The following GUCY1A2 variants were observed in gnomAD, a reference collection of about 807,000 sequenced individuals.
GUCY1A2 encodes guanylate cyclase soluble subunit alpha-2.
A neutral mutation model predicts 63.5 loss-of-function variants in GUCY1A2; 27 were observed. The ratio of observed to expected loss-of-function variants is 0.43; its 90% CI spans 0.31 to 0.59. GUCY1A2 has a LOEUF of 0.59. Among genes scored for constraint, GUCY1A2 ranks in the 20% least tolerant of loss-of-function variants. The probability of loss-of-function intolerance (pLI) is 0.11; values close to 1 mark genes in which losing one functional copy is unlikely to be tolerated. For synonymous variants in GUCY1A2, 364 were observed against 343.5 expected, an observed-to-expected ratio of 1.06 and a Z score of -0.66; for missense variants, 768 against 913.3, an observed-to-expected ratio of 0.84 and a Z score of 2.05.
In GUCY1A2 at chr11:106,913,128, T is replaced by G. The variant is rs775659478; in HGVS notation, c.1206+26332A>C. On this transcript the variant is annotated intron_variant, in intron 4 of 7. Coordinates refer to ENST00000526355, the MANE Select transcript of GUCY1A2 (RefSeq NM_000855.3). Reference sequence around the variant, plus strand: ...GTTGTGGAATTTTTTTCAAAAGATATATATATATATATATAAAAGCAATCA... The same window carrying G: ...GTTGTGGAATTTTTTTCAAAAGATAGATATATATATATATAAAAGCAATCA... 4.4e-5 allele frequency among the ~76,000 whole-genome samples: 5 copies of G among 114,038 alleles called. No individual in the cohort carries two copies. The East Asian group carries it at 1.7e-3, about 38-fold the overall frequency. 74.8% of individuals were successfully genotyped at this position (114,038 alleles called of 152,430 possible).
At chr11:106,762,504 C>T (rs867099962) in intron 6 of GUCY1A2, among the ~76,000 whole-genome samples, 15 of 151,994 alleles carry the variant, frequency 9.9e-5, no homozygotes, top group African/African-American at 3.4e-4. Flanking sequence ...TAGTTCAAGA[C>T]ATTTGCACCC....
At chr11:106,818,550 C>T (rs966839858) in intron 4 of GUCY1A2, among the ~76,000 whole-genome samples, 1 of 152,094 alleles carries the variant, frequency 6.6e-6, no homozygotes, top group Non-Finnish European at 1.5e-5. Context: ...CAATGAATAA[C>T]ACTACAATGA....
intron 6 of GUCY1A2, among the ~76,000 whole-genome samples, chr11:106,757,265 C>T (rs910755412): frequency 3.9e-5 from 6 of 152,052 alleles, no homozygotes; most frequent in Admixed American, 1.3e-4. Context: ...TTTTCCAAGG[C>T]TTTTTAGCTT....
chr11:106,843,654 T>C (rs1321778805), intron 4 of GUCY1A2, among the ~76,000 whole-genome samples: 1 of 151,912 alleles, frequency 6.6e-6, no homozygotes, highest in Non-Finnish European at 1.5e-5. Context: ...CACTTGGAAA[T>C]TATTGAAATA....
At chr11:106,912,981 A>G (rs1860316049) in intron 4 of GUCY1A2, among the ~76,000 whole-genome samples, 1 of 152,138 alleles carries the variant, frequency 6.6e-6, no homozygotes, top group Non-Finnish European at 1.5e-5. Flanking sequence ...ACAAACACAA[A>G]CTATTTGCCT....
intron 4 of GUCY1A2, among the ~76,000 whole-genome samples, chr11:106,883,191 C>T (rs1859850207): frequency 6.6e-6 from 1 of 152,058 alleles, no homozygotes; most frequent in South Asian, 2.1e-4. Flanking sequence ...TTAAGTCCCA[C>T]AACACTAAGA....
At chr11:106,695,831 A>G (rs1166781017) in intron 7 of GUCY1A2, among the ~76,000 whole-genome samples, 2 of 152,308 alleles carry the variant, frequency 1.3e-5, no homozygotes, top group Middle Eastern at 3.4e-3. Flanking sequence ...TAAGGTTGCA[A>G]ATATTTTTAC....
intron 4 of GUCY1A2, among the ~76,000 whole-genome samples, chr11:106,918,081 C>T (rs2060713144): frequency 6.9e-6 from 1 of 144,262 alleles, no homozygotes; most frequent in Admixed American, 6.9e-5. Flanking sequence ...AACTACTGCT[C>T]TGGGTAGAAC....
intron 5 of GUCY1A2, among the ~76,000 whole-genome samples, chr11:106,791,807 T>A (rs1161530884): frequency 6.6e-6 from 1 of 152,124 alleles, no homozygotes. Context: ...ATACATTTGA[T>A]TCCTTTAGAA....
At chr11:106,819,099 T>C (rs1195158299) in intron 4 of GUCY1A2, among the ~76,000 whole-genome samples, 1 of 152,132 alleles carries the variant, frequency 6.6e-6, no homozygotes, top group Non-Finnish European at 1.5e-5. Flanking sequence ...CAAAAAGCAC[T>C]AGAATTAGAT....
intron 4 of GUCY1A2, among the ~76,000 whole-genome samples, chr11:106,878,779 A>C (rs1859785163): frequency 1.3e-5 from 1 of 76,436 alleles, no homozygotes; most frequent in African/African-American, 5.8e-5. Context: ...TCAACTTAAA[A>C]GTTAAAAAAA....
chr11:106,876,423 A>T (rs931868740), intron 4 of GUCY1A2, among the ~76,000 whole-genome samples: 9 of 152,100 alleles, frequency 5.9e-5, no homozygotes, highest in Non-Finnish European at 2.9e-5. Context: ...TCAAAAATAT[A>T]ATTTTTGAGT....
chr11:106,838,021 G>A (rs1456547060), intron 4 of GUCY1A2, among the ~76,000 whole-genome samples: 1 of 151,852 alleles, frequency 6.6e-6, no homozygotes, highest in African/African-American at 2.4e-5. Context: ...TTTCCTCACA[G>A]GCTGGAAAAA....
intron 4 of GUCY1A2, among the ~76,000 whole-genome samples, chr11:106,811,301 G>A (rs536722927): frequency 2.6e-5 from 4 of 152,146 alleles, no homozygotes; most frequent in African/African-American, 7.2e-5. Flanking sequence ...CACCTTCAGA[G>A]GGCATGAACA....
At chr11:107,006,733 G>C (rs1861676392) in intron 1 of GUCY1A2, among the ~76,000 whole-genome samples, 1 of 152,180 alleles carries the variant, frequency 6.6e-6, no homozygotes, top group Non-Finnish European at 1.5e-5. Flanking sequence ...CCCACACCAG[G>C]ATGTTCACAC....
chr11:106,870,678 T>C (rs1050452041), intron 4 of GUCY1A2, among the ~76,000 whole-genome samples: 4 of 152,136 alleles, frequency 2.6e-5, no homozygotes, highest in African/African-American at 9.7e-5. Flanking sequence ...CAGCTCTGGA[T>C]AACTTTTCCA....
intron 4 of GUCY1A2, among the ~76,000 whole-genome samples, chr11:106,930,381 G>C (rs922905880): frequency 2.0e-5 from 3 of 152,166 alleles, no homozygotes; most frequent in African/African-American, 7.2e-5. Context: ...CTGGAGTGCA[G>C]TGGTGCGATC....
rs941498942 is a variant in GUCY1A2 at position 107,018,192 on chromosome 11, G to A, written c.-137C>T. 3.2e-6 allele frequency: 1 copy of A among 314,172 alleles called. No individual in the cohort carries two copies. Among genetic ancestry groups the A allele is most frequent in the Non-Finnish European group, 5.3e-6 (1 of 188,918 alleles). The allele number at this position is 314,172 out of a possible 1,614,324, so 19.5% of individuals were successfully genotyped here. A position where few individuals can be genotyped will look rare whatever the true frequency, so the allele number is the denominator to read the frequency against. The stretch of plus-strand genomic sequence containing the variant: ...GGGCGCTGCGGTCGCGCCCGGCGGG[G>A]CGGGAGTCCCCGGGGCCGCGGAGCC... On this transcript the variant is annotated 5_prime_UTR_variant, in exon 1 of 8. Transcript: ENST00000526355.
intron 4 of GUCY1A2, among the ~76,000 whole-genome samples, chr11:106,840,768 T>C (rs1859185227): frequency 1.3e-5 from 2 of 152,010 alleles, no homozygotes; most frequent in South Asian, 4.1e-4. Flanking sequence ...TAAAAGATGT[T>C]ATTACTTTAA....
Sources: allele counts gnomAD v4.1 joint callset (sites outside exome capture counted in the v4.1 genomes callset), GRCh38; gene constraint gnomAD v4.1.1; transcripts MANE v1.5; gene names NCBI Gene and HGNC (gene_info 2026-07-23, HGNC 2026-07-21).